Variants in PHACTR4 observed in about 807,000 individuals in gnomAD.
The protein encoded by PHACTR4 is phosphatase and actin regulator 4, also known as protein phosphatase 1, regulatory subunit 124.
PHACTR4 carries 51 observed loss-of-function variants against 72.7 expected under a neutral mutation model. The ratio of observed to expected loss-of-function variants is 0.70; its 90% CI spans 0.56 to 0.89. PHACTR4 has a LOEUF of 0.89. PHACTR4 is among the 40% of genes least tolerant of loss of function. The pLI, the probability that PHACTR4 is intolerant of heterozygous loss-of-function variation, is 0.00. For synonymous variants in PHACTR4, 255 were observed against 302.5 expected, an observed-to-expected ratio of 0.84 and a Z score of 1.63; for missense variants, 731 against 861.8, an observed-to-expected ratio of 0.85 and a Z score of 1.90.
At chr1:28,370,914 A>G (rs1325706357) in intron 1 of PHACTR4, among the ~76,000 whole-genome samples, 1 of 151,836 alleles carries the variant, frequency 6.6e-6, no homozygotes, top group Non-Finnish European at 1.5e-5. Flanking sequence ...ACACAGCAAG[A>G]CCCCATCTTA....
At chr1:28,457,067 T>A (rs1379277651) in intron 2 of PHACTR4, among the ~76,000 whole-genome samples, 1 of 152,178 alleles carries the variant, frequency 6.6e-6, no homozygotes, top group Admixed American at 6.5e-5. Flanking sequence ...TCTTTTGCAC[T>A]TTAGTAATGA....
chr1:28,496,589 T>C lies in PHACTR4; in HGVS notation c.*40T>C. The C allele has an allele frequency of 6.2e-7, 1 of 1,611,320 alleles. No homozygotes were observed. ...AGAGGAATCAACATGGCTGCTTTGC[T>C]GCTTCCTTCTCCAAAGTGACATATG... On this transcript the variant is annotated 3_prime_UTR_variant, in exon 14 of 14. Coordinates refer to ENST00000373839, the MANE Select transcript of PHACTR4 (RefSeq NM_001048183.3).
chr1:28,409,661 A>G (rs917298606), intron 2 of PHACTR4, among the ~76,000 whole-genome samples: 2 of 152,194 alleles, frequency 1.3e-5, no homozygotes, highest in African/African-American at 4.8e-5. Flanking sequence ...TAGTAAAAAT[A>G]CTACTATATA....
At chr1:28,369,936 C>G (rs1165642333) in intron 1 of PHACTR4, 111 bp downstream of exon 1, 4 of 361,936 alleles carry the variant, frequency 1.1e-5, no homozygotes, top group Non-Finnish European at 2.1e-5. Flanking sequence ...CCGGTCCGGG[C>G]AGAAGGTAAC....
At chr1:28,454,666 C>T (rs1176425114) in intron 2 of PHACTR4, among the ~76,000 whole-genome samples, 1 of 152,056 alleles carries the variant, frequency 6.6e-6, no homozygotes, top group African/African-American at 2.4e-5. Context: ...TATGATTAAC[C>T]ACCTTGACCT....
In PHACTR4 at chr1:28,458,942, C is replaced by T. The variant is rs1006380753; in HGVS notation, c.17-143C>T. 8 of 628,858 alleles carry T rather than the reference C, an allele frequency of 1.3e-5. No homozygotes were observed. The African/African-American group carries it at 1.3e-4, about 10-fold the overall frequency. 39.0% of individuals were successfully genotyped at this position (628,858 alleles called of 1,614,324 possible). A position where few individuals can be genotyped will look rare whatever the true frequency, so the allele number is the denominator to read the frequency against. ...TTGATGTTTGGTGTCCATGTGATGT[C>T]CAGGAGTCTCCCTGTCTGCATGATT... On this transcript the variant is annotated intron_variant, in intron 2 of 13. Transcript: ENST00000373839.
intron 1 of PHACTR4, among the ~76,000 whole-genome samples, chr1:28,382,851 T>C (rs1004089159): frequency 6.6e-6 from 1 of 152,110 alleles, no homozygotes; most frequent in Non-Finnish European, 1.5e-5. Flanking sequence ...TGGAGTACAG[T>C]GGCACGATCT....
In PHACTR4 at chr1:28,496,625, T is replaced by C. The variant is rs367560389; in HGVS notation, c.*76T>C. 10 of 1,542,920 alleles carry C rather than the reference T, an allele frequency of 6.5e-6. 1 individual carries two copies. Among genetic ancestry groups the C allele is most frequent in the South Asian group, 4.5e-5 (4 of 89,724 alleles). On this transcript the variant is annotated 3_prime_UTR_variant, in exon 14 of 14. Transcript: ENST00000373839. ...CCAAAGTGACATATGGAGGGAACTTTAGCACTTCCCAGCACAGCCAGAATT... is the reference window on the plus strand; with the variant it reads ...CCAAAGTGACATATGGAGGGAACTTCAGCACTTCCCAGCACAGCCAGAATT...
chr1:28,400,622 C>T (rs1284120206), intron 1 of PHACTR4, among the ~76,000 whole-genome samples: 1 of 151,740 alleles, frequency 6.6e-6, no homozygotes, highest in Non-Finnish European at 1.5e-5. Context: ...CTCTGTCACC[C>T]AGGCTGGAGT....
chr1:28,476,351 AT>A, intron 8 of PHACTR4, 60 bp downstream of exon 8: 1 of 1,471,104 alleles, frequency 6.8e-7, no homozygotes, highest in Non-Finnish European at 9.1e-7. Context: ...CTATTTGCTG[AT>A]CTTAGCAAGT....
At chr1:28,476,384 G>A in intron 8 of PHACTR4, 93 bp downstream of exon 8, 1 of 1,296,280 alleles carries the variant, frequency 7.7e-7, no homozygotes, top group Non-Finnish European at 1.0e-6. Context: ...TATGGAAACA[G>A]GTACCTTCTC....
At chr1:28,469,121 A>AAG (rs1195498461) in intron 6 of PHACTR4, among the ~76,000 whole-genome samples, 2 of 152,198 alleles carry the variant, frequency 1.3e-5, no homozygotes, top group South Asian at 2.1e-4. Context: ...TTTATTCTAA[A>AAG]ATTACAACCT....
chr1:28,388,031 GT>G (rs1030958772), intron 1 of PHACTR4, among the ~76,000 whole-genome samples: 1 of 151,778 alleles, frequency 6.6e-6, no homozygotes, highest in African/African-American at 2.4e-5. Flanking sequence ...CCCGGCCTTT[GT>G]TTTTTTTAAT....
intron 1 of PHACTR4, among the ~76,000 whole-genome samples, chr1:28,403,701 C>CA (rs1199139178): frequency 2.0e-5 from 3 of 151,724 alleles, no homozygotes; most frequent in South Asian, 2.1e-4. Flanking sequence ...AATTACCCCC[C>CA]AAAAAACTCT....
Position 28,474,763 on chromosome 1 carries a change from G to A in PHACTR4, c.1421+612G>A, listed in dbSNP as rs1359881196. On this transcript the variant is annotated intron_variant, in intron 7 of 13. Transcript: ENST00000373839. ...TCAACATGTTGGCCAGGCTGGTCTCGAACTCCTGACCTCAGGTGATCCACC... is the reference window on the plus strand; with the variant it reads ...TCAACATGTTGGCCAGGCTGGTCTCAAACTCCTGACCTCAGGTGATCCACC... Among the ~76,000 whole-genome samples, 10 of 151,732 alleles carry A rather than the reference G, an allele frequency of 6.6e-5. No individual in the cohort carries two copies. The South Asian group carries it at 1.7e-3, about 25-fold the overall frequency.
intron 2 of PHACTR4, among the ~76,000 whole-genome samples, chr1:28,418,277 A>G (rs1218602044): frequency 6.6e-6 from 1 of 152,000 alleles, no homozygotes; most frequent in Non-Finnish European, 1.5e-5. Flanking sequence ...ACACTGCCCA[A>G]CATGGCGAAA....
intron 2 of PHACTR4, among the ~76,000 whole-genome samples, chr1:28,448,589 TAAAAAAA>T (rs747826049): frequency 3.1e-5 from 3 of 95,824 alleles, no homozygotes; most frequent in East Asian, 5.3e-4. Flanking sequence ...CATCTCTACT[TAAAAAAA>T]AAAAAAAAAA....
intron 3 of PHACTR4, 92 bp from the exon 4 acceptor site, chr1:28,460,120 T>C (rs1387455021): frequency 1.3e-6 from 1 of 766,896 alleles, no homozygotes; most frequent in Non-Finnish European, 2.1e-6. Context: ...CTTAAACTAC[T>C]TTATTCTTTT....
At chr1:28,378,427 C>A (rs964719407) in intron 1 of PHACTR4, among the ~76,000 whole-genome samples, 6 of 150,056 alleles carry the variant, frequency 4.0e-5, no homozygotes, top group African/African-American at 1.5e-4. Context: ...TCCCTGAACC[C>A]GGGAGGCGGA....
Sources: allele counts gnomAD v4.1 joint callset (sites outside exome capture counted in the v4.1 genomes callset), GRCh38; gene constraint gnomAD v4.1.1; transcripts MANE v1.5; gene names NCBI Gene and HGNC (gene_info 2026-07-23, HGNC 2026-07-21).